The following NAV3 variants were observed in gnomAD, a reference collection of about 807,000 sequenced individuals.
NAV3 encodes the protein pore membrane and/or filament interacting like protein 1.
In NAV3, 87 loss-of-function variants were observed where a neutral mutation model predicts 244.7. The observed-to-expected ratio is 0.36, with a 90% CI of 0.30 to 0.42. The LOEUF (loss-of-function observed/expected upper bound fraction) is 0.42, where lower values mean the gene tolerates loss of function less well. NAV3 is among the 20% of genes least tolerant of loss of function. NAV3 has a pLI of 1.00. For synonymous variants in NAV3, 1,126 were observed against 1,042.2 expected, an observed-to-expected ratio of 1.08 and a Z score of -1.55; for missense variants, 2,663 against 2,893.3, an observed-to-expected ratio of 0.92 and a Z score of 1.83.
Position 78,021,818 on chromosome 12 carries a change from TATC to T in NAV3, c.1982_1984del (p.Ser661del), listed in dbSNP as rs777242967. Reference sequence around the variant, plus strand: ...TGTACCAGTCCTACAAAGATGGACTTATCATATAGTAAGACTGCTAAGCAGTGC... The same window carrying T: ...TGTACCAGTCCTACAAAGATGGACTTATATAGTAAGACTGCTAAGCAGTGC... On this transcript the variant is annotated inframe_deletion, in exon 9 of 40. Coordinates refer to ENST00000397909, the MANE Select transcript of NAV3 (RefSeq NM_001024383.2). 2 of 1,611,284 alleles carry T rather than the reference TATC, an allele frequency of 1.2e-6. No homozygotes were observed. The highest frequency in any genetic ancestry group is 1.7e-6 in the Non-Finnish European group (2 of 1,178,512).
intron 2 of NAV3, among the ~76,000 whole-genome samples, chr12:77,768,208 G>T (rs1286883606): frequency 6.6e-6 from 1 of 152,190 alleles, no homozygotes; most frequent in Non-Finnish European, 1.5e-5. Context: ...GCCATGGGCA[G>T]CCTGGAAAAA....
intron 1 of NAV3, among the ~76,000 whole-genome samples, chr12:77,901,730 G>A (rs1885320762): frequency 6.6e-6 from 1 of 151,944 alleles, no homozygotes; most frequent in Non-Finnish European, 1.5e-5. Context: ...AGAAAAGAAA[G>A]GTAAGGGTCC....
intron 2 of NAV3, among the ~76,000 whole-genome samples, chr12:77,738,271 T>C (rs540473467): frequency 1.2e-3 from 190 of 152,302 alleles, no homozygotes; most frequent in Non-Finnish European, 2.5e-3. Flanking sequence ...AATCAGTTAG[T>C]GGAGTGAAAA....
intron 12 of NAV3, among the ~76,000 whole-genome samples, chr12:78,099,738 T>C (rs1032809959): frequency 6.6e-6 from 1 of 151,934 alleles, no homozygotes; most frequent in Admixed American, 6.6e-5. Flanking sequence ...ATTCAAGTAA[T>C]GTGTTTAAAC....
At chr12:77,783,409 G>T (rs1313195984) in intron 2 of NAV3, 1 of 152,052 alleles carries the variant, frequency 6.6e-6, no homozygotes, top group Non-Finnish European at 1.5e-5. Context: ...TGACCAAGCA[G>T]AAGTTCACTT....
chr12:77,978,590 CT>C (rs1868937624), intron 5 of NAV3, among the ~76,000 whole-genome samples: 1 of 151,938 alleles, frequency 6.6e-6, no homozygotes, highest in Non-Finnish European at 1.5e-5. Flanking sequence ...ATTTTCAAAA[CT>C]TATTAAAGTC....
intron 2 of NAV3, among the ~76,000 whole-genome samples, chr12:77,600,168 A>G (rs1490790021): frequency 6.6e-6 from 1 of 152,024 alleles, no homozygotes; most frequent in African/African-American, 2.4e-5. Context: ...ACCTCAGGGA[A>G]TGCAAAACCA....
At chr12:77,917,708 G>T (rs1469624747) in intron 1 of NAV3, among the ~76,000 whole-genome samples, 13 of 152,038 alleles carry the variant, frequency 8.6e-5, no homozygotes, top group Non-Finnish European at 1.8e-4. Flanking sequence ...AGCAGAGAAA[G>T]GCCAGAGTGT....
At chr12:78,143,619 T>G (rs1194138145) in intron 20 of NAV3, among the ~76,000 whole-genome samples, 1 of 90,378 alleles carries the variant, frequency 1.1e-5, no homozygotes, top group Non-Finnish European at 2.0e-5. Context: ...AGCCAAACAC[T>G]GTCTCAGAAA....
At chr12:77,766,384 G>A (rs1869752969) in intron 2 of NAV3, among the ~76,000 whole-genome samples, 1 of 152,124 alleles carries the variant, frequency 6.6e-6, no homozygotes, top group Non-Finnish European at 1.5e-5. Flanking sequence ...CACCAACAAA[G>A]CTATTCTTTT....
chr12:77,809,621 T>C (rs1045144582), intron 2 of NAV3, among the ~76,000 whole-genome samples: 1 of 152,248 alleles, frequency 6.6e-6, no homozygotes, highest in African/African-American at 2.4e-5. Context: ...TATTCAGCCA[T>C]CTTGCCAGCT....
At chr12:78,103,991 G>A (rs531831191) in intron 12 of NAV3, among the ~76,000 whole-genome samples, 1 of 152,318 alleles carries the variant, frequency 6.6e-6, no homozygotes, top group South Asian at 2.1e-4. Context: ...AAGTGAGAAG[G>A]TGTTTTTATG....
chr12:77,944,985 T>C (rs1890195245), intron 3 of NAV3, among the ~76,000 whole-genome samples: 1 of 152,188 alleles, frequency 6.6e-6, no homozygotes, highest in Non-Finnish European at 1.5e-5. Flanking sequence ...TTTTTGGTAA[T>C]TGGATAGGCA....
chr12:77,849,914 C>T (rs537000638), intron 1 of NAV3, among the ~76,000 whole-genome samples: 1 of 152,124 alleles, frequency 6.6e-6, no homozygotes, highest in African/African-American at 2.4e-5. Flanking sequence ...TCTTCTAAGA[C>T]AAGTGTCTCC....
chr12:77,780,887 T>C lies in NAV3; in HGVS notation c.73-159432T>C, dbSNP rs149365235. Reference sequence around the variant, plus strand: ...GCTGAGGGAAGGTTTAAGGCTGTTTTGGTTACAATTCTTTTCCTGGGAGGC... The same window carrying C: ...GCTGAGGGAAGGTTTAAGGCTGTTTCGGTTACAATTCTTTTCCTGGGAGGC... On this transcript the variant is annotated intron_variant, in intron 2 of 8. Transcript: ENST00000550042. Among the ~76,000 whole-genome samples, 3 of 152,326 alleles carry C rather than the reference T, an allele frequency of 2.0e-5. No individual in the cohort carries two copies. In the East Asian group the frequency reaches 5.8e-4, roughly 29 times the overall value.
chr12:77,996,214 C>A (rs768821843), intron 6 of NAV3, among the ~76,000 whole-genome samples: 6 of 152,042 alleles, frequency 3.9e-5, no homozygotes, highest in Non-Finnish European at 8.8e-5. Flanking sequence ...TAAGTCTATG[C>A]CTATGTCTAC....
upstream of NAV3, among the ~76,000 whole-genome samples, chr12:77,829,918 A>G (rs1483401297): frequency 6.6e-6 from 1 of 152,208 alleles, no homozygotes; most frequent in African/African-American, 2.4e-5. Flanking sequence ...AATAATTTCC[A>G]TGATTCATTG....
chr12:77,786,145 A>G (rs748831970), intron 2 of NAV3, among the ~76,000 whole-genome samples: 11 of 152,116 alleles, frequency 7.2e-5, no homozygotes, highest in Non-Finnish European at 1.0e-4. Flanking sequence ...ATCCCTATTT[A>G]AGTCATTTCT....
At chr12:77,964,835 G>C (rs1892369847) in intron 3 of NAV3, among the ~76,000 whole-genome samples, 1 of 151,524 alleles carries the variant, frequency 6.6e-6, no homozygotes, top group African/African-American at 2.4e-5. Context: ...AGTATATCTT[G>C]GCTGTGGTCA....
Sources: gnomAD v4.1 joint callset for allele counts (sites outside exome capture counted in the v4.1 genomes callset) on GRCh38, gnomAD v4.1.1 for gene constraint, MANE v1.5 for transcripts, NCBI Gene and HGNC (gene_info 2026-07-23, HGNC 2026-07-21) for gene names.